Variants in MITF observed in about 807,000 individuals in gnomAD.
MITF encodes melanocyte inducing transcription factor.
Under a neutral mutation model 60.5 loss-of-function variants are expected in MITF, and 17 were observed. The observed-to-expected ratio is 0.28, with a 90% CI of 0.19 to 0.42. MITF has a LOEUF of 0.42. Among genes scored for constraint, MITF ranks in the 10% least tolerant of loss-of-function variants. The pLI, the probability that MITF is intolerant of heterozygous loss-of-function variation, is 1.00. For missense variants in MITF, 622 were observed against 683.5 expected (o/e 0.91, Z 1.00); for synonymous variants, 260 against 248.5 (o/e 1.05, Z -0.43).
chr3:69,959,741 T>C (rs2107539191), intron 9 of MITF, among the ~76,000 whole-genome samples: 1 of 152,340 alleles, frequency 6.6e-6, no homozygotes, highest in East Asian at 1.9e-4. Context: ...TCTAAACAAG[T>C]GCTCCTTTCG....
chr3:69,815,387 C>A (rs2063165795), intron 1 of MITF, among the ~76,000 whole-genome samples: 1 of 152,182 alleles, frequency 6.6e-6, no homozygotes, highest in Non-Finnish European at 1.5e-5. Flanking sequence ...ACTTCGGAGT[C>A]TGCAAGACCA....
chr3:69,813,872 A>T (rs370871859), intron 1 of MITF, among the ~76,000 whole-genome samples: 1 of 152,204 alleles, frequency 6.6e-6, no homozygotes, highest in Non-Finnish European at 1.5e-5. Flanking sequence ...TTGCGAATCC[A>T]TTACTTTCTG....
At chr3:69,756,270 C>T (rs932904311) in intron 1 of MITF, among the ~76,000 whole-genome samples, 10 of 152,072 alleles carry the variant, frequency 6.6e-5, no homozygotes, top group African/African-American at 2.4e-4. Context: ...TGTCCTAATG[C>T]TCTCCCTCCC....
chr3:69,817,492 A>G (rs1195386515), intron 1 of MITF, among the ~76,000 whole-genome samples: 1 of 151,996 alleles, frequency 6.6e-6, no homozygotes, highest in African/African-American at 2.4e-5. Flanking sequence ...ACATTACTGT[A>G]TACTCTGGAT....
chr3:69,831,939 C>T (rs979562466), intron 1 of MITF, among the ~76,000 whole-genome samples: 4 of 152,184 alleles, frequency 2.6e-5, no homozygotes, highest in African/African-American at 7.2e-5. Flanking sequence ...ACAGGGTGTA[C>T]GCATGCTCAG....
At chr3:69,740,651 A>G (rs1289247635) in intron 1 of MITF, among the ~76,000 whole-genome samples, 1 of 152,204 alleles carries the variant, frequency 6.6e-6, no homozygotes, top group Non-Finnish European at 1.5e-5. Context: ...CTTCTCGTTT[A>G]CAATGTTTCC....
intron 1 of MITF, among the ~76,000 whole-genome samples, chr3:69,767,851 T>C (rs925835925): frequency 6.6e-6 from 1 of 152,180 alleles, no homozygotes; most frequent in Non-Finnish European, 1.5e-5. Flanking sequence ...CCAGCTGAAC[T>C]GTCTTTGTGA....
At chr3:69,796,747 C>A (rs1424017234) in intron 1 of MITF, among the ~76,000 whole-genome samples, 1 of 150,360 alleles carries the variant, frequency 6.7e-6, no homozygotes, top group Non-Finnish European at 1.5e-5. Flanking sequence ...ACCTCATGAT[C>A]CACCCGCCTC....
At chr3:69,749,890 C>A (rs950746408) in intron 1 of MITF, among the ~76,000 whole-genome samples, 1 of 152,016 alleles carries the variant, frequency 6.6e-6, no homozygotes, top group South Asian at 2.1e-4. Flanking sequence ...TAGGCAAATG[C>A]GAGATGAGTA....
intron 1 of MITF, among the ~76,000 whole-genome samples, chr3:69,852,862 G>A (rs1026163249): frequency 6.6e-6 from 1 of 152,080 alleles, no homozygotes; most frequent in African/African-American, 2.4e-5. Flanking sequence ...AATACGTAGT[G>A]TTTTTTTGAT....
At chr3:69,836,196 T>C (rs2063537845) in intron 1 of MITF, among the ~76,000 whole-genome samples, 1 of 152,184 alleles carries the variant, frequency 6.6e-6, no homozygotes, top group Non-Finnish European at 1.5e-5. Flanking sequence ...ACCCTGATGG[T>C]TATGTTTATT....
In MITF at chr3:69,965,534, G is replaced by A. The variant is rs187361634; in HGVS notation, c.*286G>A. The A allele has an allele frequency of 4.1e-4, 122 of 294,786 alleles. 1 individual carries two copies. In the East Asian group the frequency reaches 5.4e-3, roughly 13 times the overall value. 18.3% of individuals were successfully genotyped at this position (294,786 alleles called of 1,614,324 possible). A position where few individuals can be genotyped will look rare whatever the true frequency, so the allele number is the denominator to read the frequency against. ...AGCTTTCTGAGCAAGAGGATTTTGC[G>A]TCAGAGAAATGTCTGTCCATTTTTA... On this transcript the variant is annotated 3_prime_UTR_variant, in exon 10 of 10. Transcript: ENST00000352241.
chr3:69,741,288 G>A (rs1299446363), intron 1 of MITF, among the ~76,000 whole-genome samples: 1 of 152,140 alleles, frequency 6.6e-6, no homozygotes, highest in East Asian at 1.9e-4. Context: ...GTGTTTTACT[G>A]GGCAGTCTCT....
At chr3:69,875,711 G>T (rs1013753765) in intron 1 of MITF, among the ~76,000 whole-genome samples, 5 of 152,228 alleles carry the variant, frequency 3.3e-5, no homozygotes, top group African/African-American at 1.2e-4. Context: ...TGGAGCTTAA[G>T]ACATTATGCT....
In MITF at chr3:69,902,010, T is replaced by C. The variant is rs1026490500; in HGVS notation, c.354+22627T>C. Reference sequence around the variant, plus strand: ...GTAGTAATGTGATTTGCTTTATAACTGTTTGCTTTGCATTGGCAACTGAGC... The same window carrying C: ...GTAGTAATGTGATTTGCTTTATAACCGTTTGCTTTGCATTGGCAACTGAGC... On this transcript the variant is annotated intron_variant, in intron 2 of 9. Coordinates refer to ENST00000352241, the MANE Select transcript of MITF (RefSeq NM_001354604.2). Among the ~76,000 whole-genome samples the C allele has an allele frequency of 3.9e-5, 6 of 152,180 alleles. 1 individual carries two copies. In the East Asian group the frequency reaches 1.2e-3, roughly 29 times the overall value.
At chr3:69,814,432 G>T (rs904606459) in intron 1 of MITF, among the ~76,000 whole-genome samples, 1 of 151,974 alleles carries the variant, frequency 6.6e-6, no homozygotes, top group Non-Finnish European at 1.5e-5. Flanking sequence ...AGGCTCAAGC[G>T]ATCCTCCTGC....
At chr3:69,814,643 C>T (rs1466819939) in intron 1 of MITF, among the ~76,000 whole-genome samples, 1 of 151,892 alleles carries the variant, frequency 6.6e-6, no homozygotes, top group Admixed American at 6.6e-5. Flanking sequence ...TTTAACTTGC[C>T]AGCTTTACTG....
At chr3:69,936,755 G>A in intron 2 of MITF, 2 of 1,612,920 alleles carry the variant, frequency 1.2e-6, no homozygotes, top group Non-Finnish European at 1.7e-6. Context: ...ATCACTATCA[G>A]GTGAGATTTA....
intron 1 of MITF, among the ~76,000 whole-genome samples, chr3:69,770,044 T>C (rs1176553047): frequency 6.6e-6 from 1 of 152,242 alleles, no homozygotes; most frequent in Non-Finnish European, 1.5e-5. Flanking sequence ...TCATTCATTT[T>C]TTCACTCAGA....
Sources: allele counts gnomAD v4.1 joint callset (sites outside exome capture counted in the v4.1 genomes callset), GRCh38; gene constraint gnomAD v4.1.1; transcripts MANE v1.5; gene names NCBI Gene and HGNC (gene_info 2026-07-23, HGNC 2026-07-21).